XYLT2: variants seen among roughly 807,000 people sequenced by gnomAD.
The protein encoded by XYLT2 is UDP-D-xylose:proteoglycan core protein beta-D-xylosyltransferase.
XYLT2 carries 37 observed loss-of-function variants against 82.6 expected under a neutral mutation model. The observed-to-expected ratio is 0.45, with a 90% confidence interval of 0.34 to 0.59. The LOEUF (loss-of-function observed/expected upper bound fraction) is 0.59. Among genes scored for constraint, XYLT2 ranks in the 20% least tolerant of loss-of-function variants. The pLI, the probability that XYLT2 is intolerant of heterozygous loss-of-function variation, is 0.01. For missense variants in XYLT2, 934 were observed against 1,181.3 expected (o/e 0.79, Z 3.07); for synonymous variants, 474 against 499.0 (o/e 0.95, Z 0.67).
Position 50,360,463 on chromosome 17 carries a change from T to G in XYLT2, c.*172T>G. 27 of 1,384,366 alleles carry G rather than the reference T, an allele frequency of 2.0e-5. No individual in the cohort carries two copies. The highest frequency in any genetic ancestry group is 2.4e-5 in the Non-Finnish European group (26 of 1,072,878). 85.8% of individuals were successfully genotyped at this position (1,384,366 alleles called of 1,614,324 possible). On this transcript the variant is annotated 3_prime_UTR_variant, in exon 11 of 11. Transcript: ENST00000017003. ...TGGACACAGTATGAACTACTGCTGA[T>G]GTCTCTGTTGGGGATCAGAGGGCTG... is the stretch of plus-strand genomic sequence containing the variant.
rs927455448 is a variant in XYLT2, at chr17:50,346,286, G to A, written c.135+11G>A. 3.8e-5 allele frequency: 42 copies of A among 1,092,200 alleles called. No homozygotes were observed. Among genetic ancestry groups the A allele is most frequent in the Admixed American group, 5.0e-5 (1 of 19,872 alleles). The allele number at this position is 1,092,200 out of a possible 1,614,324, so 67.7% of individuals were successfully genotyped here. A position where few individuals can be genotyped will look rare whatever the true frequency, so the allele number is the denominator to read the frequency against. ...GACGAGGCGGGCGAGGTGCTCCGAC[G>A]GCCGGGCGGGCGGGCAGGCCGGGCG... On this transcript the variant is annotated intron_variant, in intron 1 of 10. Transcript: ENST00000017003. The surrounding 1 kb of genome is among the most constrained non-coding windows in gnomAD (Gnocchi z 5.1).
rs1183276849 is a variant in XYLT2, at chr17:50,358,539, A to G, written c.2274A>G (p.Lys758=). ...LTFNRKLPLR[K]DDASWLHAGP... ...TCAACCGCAAACTACCTCTCAGGAA[A>G]GGTAAGCGTGCAGTTCTCAAATGAG... is the stretch of plus-strand genomic sequence containing the variant. The change falls in exon 10 of 11, where the codon AAA becomes AAG. Residue 758 remains lysine (K), a splice_region_variant and synonymous_variant. Coordinates refer to ENST00000017003, the MANE Select transcript of XYLT2 (RefSeq NM_022167.4). 1.2e-6 allele frequency: 2 copies of G among 1,610,600 alleles called. No homozygotes were observed. Among genetic ancestry groups the G allele is most frequent in the Non-Finnish European group, 1.7e-6 (2 of 1,177,602 alleles).
chr17:50,359,238 G>A (rs1387556015), intron 10 of XYLT2: 1 of 152,678 alleles, frequency 6.5e-6, no homozygotes, highest in East Asian at 1.9e-4. Context: ...AGCAGGCTCT[G>A]AACAGAGACA....
rs1457008088 is a variant in XYLT2 at position 50,358,405 on chromosome 17, T to C, written c.2140T>C (p.Tyr714His). The change falls in exon 10 of 11, where the codon TAC becomes CAC. Residue 714 changes from tyrosine (Y) to histidine (H), a missense_variant. This residue lies in a region of XYLT2 where 374 missense variants were observed against 465.6 expected (regional missense o/e 0.80). Coordinates refer to ENST00000017003, the MANE Select transcript of XYLT2 (RefSeq NM_022167.4). Reference protein sequence around the residue: ...TVDTETEVTQYKPPLSRPLRP... With the variant: ...TVDTETEVTQHKPPLSRPLRP... Reference sequence around the variant, plus strand: ...AGATACGGAGACTGAGGTCACGCAATACAAGCCCCCACTGAGCCGGCCCCT... The same window carrying C: ...AGATACGGAGACTGAGGTCACGCAACACAAGCCCCCACTGAGCCGGCCCCT... 1.2e-6 allele frequency: 2 copies of C among 1,614,002 alleles called. No individual in the cohort carries two copies. Among genetic ancestry groups the C allele is most frequent in the Non-Finnish European group, 1.7e-6 (2 of 1,180,048 alleles).
Position 50,361,094 on chromosome 17 carries a change from T to G in XYLT2, c.*803T>G. The G allele has an allele frequency of 1.0e-6, 1 of 985,894 alleles. No individual in the cohort carries two copies. The highest frequency in any genetic ancestry group is 1.7e-5 in the African/African-American group (1 of 57,336). 61.1% of individuals were successfully genotyped at this position (985,894 alleles called of 1,614,324 possible). A position where few individuals can be genotyped will look rare whatever the true frequency, so the allele number is the denominator to read the frequency against. The stretch of plus-strand genomic sequence containing the variant: ...CAGAAGAACCTGGAGTAATTGTGCC[T>G]GAAGCTCAGCGTGAAGTCTGAAATA... On this transcript the variant is annotated 3_prime_UTR_variant, in exon 11 of 11. Coordinates refer to ENST00000017003, the MANE Select transcript of XYLT2 (RefSeq NM_022167.4).
At chr17:50,347,333 C>T (rs1372825073) in intron 1 of XYLT2, among the ~76,000 whole-genome samples, 1 of 152,220 alleles carries the variant, frequency 6.6e-6, no homozygotes, top group Non-Finnish European at 1.5e-5. Context: ...TACCGCATCT[C>T]GCCAGTCTGG....
Position 50,354,912 on chromosome 17 carries a change from G to A in XYLT2, c.863G>A (p.Arg288Gln), listed in dbSNP as rs1482492836. 9.3e-6 allele frequency: 15 copies of A among 1,608,954 alleles called. No individual in the cohort carries two copies. Among genetic ancestry groups the A allele is most frequent in the Admixed American group, 3.4e-5 (2 of 59,344 alleles). The part of the protein sequence containing the change: ...VELAQGYDNV[R>Q]VTPWRMVTIW... ...CTGGCCCAGGGCTATGATAACGTGC[G>A]GGTGACGCCCTGGCGCATGGTTACC... Residue 288 changes from arginine to glutamine, a missense_variant, in exon 4 of 11, where the codon CGG becomes CAG. Around this residue, in one of 3 missense-constraint regions of XYLT2, gnomAD observed 189 missense variants for 320.8 expected, o/e 0.59. Coordinates refer to ENST00000017003, the MANE Select transcript of XYLT2 (RefSeq NM_022167.4).
rs1156317291 is a variant in XYLT2 at position 50,356,117 on chromosome 17, G to A, written c.1338G>A (p.Leu446=). Residue 446 remains leucine (L), a synonymous_variant, in exon 7 of 11, where the codon CTG becomes CTA. Transcript: ENST00000017003. ...SFFHTVLENS[L]ACETLVDNNL... ...TCCACACGGTGCTGGAGAACAGCCTGGCCTGTGAGACCCTCGTGGACAACA... is the reference window on the plus strand; with the variant it reads ...TCCACACGGTGCTGGAGAACAGCCTAGCCTGTGAGACCCTCGTGGACAACA... The A allele has an allele frequency of 6.2e-7, 1 of 1,614,228 alleles. No individual in the cohort carries two copies. Among genetic ancestry groups the A allele is most frequent in the Non-Finnish European group, 8.5e-7 (1 of 1,180,024 alleles).
At position 50,346,160 on chromosome 17, in the gene XYLT2, TG is replaced by T. The variant is rs2143173649; in HGVS notation, c.21del (p.Gln8ArgfsTer24). On this transcript the variant is annotated frameshift_variant, in exon 1 of 11. Transcript: ENST00000017003. LOFTEE classifies it high-confidence loss of function. This position sits in a 1 kb window ranked among gnomAD's most constrained non-coding sequence, Gnocchi z 5.1. MVASAR[V>X]QKLVRRYKLA... Reference sequence around the variant, plus strand: ...AGGAAGATGGTGGCGAGCGCGCGAGTGCAGAAGCTGGTGCGGCGCTACAAGC... The same window carrying T: ...AGGAAGATGGTGGCGAGCGCGCGAGTCAGAAGCTGGTGCGGCGCTACAAGC... The T allele has an allele frequency of 7.8e-7, 1 of 1,275,704 alleles. No individual in the cohort carries two copies. Among genetic ancestry groups the T allele is most frequent in the Non-Finnish European group, 1.0e-6 (1 of 985,618 alleles). The allele number at this position is 1,275,704 out of a possible 1,614,324, so 79.0% of individuals were successfully genotyped here. A position where few individuals can be genotyped will look rare whatever the true frequency, so the allele number is the denominator to read the frequency against.
chr17:50,353,551 G>A, intron 1 of XYLT2, 79 bp from the exon 2 acceptor site: 10 of 1,508,668 alleles, frequency 6.6e-6, no homozygotes, highest in Non-Finnish European at 8.0e-6. Flanking sequence ...GTCTGAGGGT[G>A]CCCCCAACCA....
intron 1 of XYLT2, among the ~76,000 whole-genome samples, chr17:50,350,965 T>C (rs1198429319): frequency 6.6e-6 from 1 of 152,042 alleles, no homozygotes; most frequent in East Asian, 1.9e-4. Flanking sequence ...AAAACCACTG[T>C]GGCTGCAGGA....
Position 50,356,113 on chromosome 17 carries a change from G to C in XYLT2, c.1334G>C (p.Ser445Thr). 1 of 1,614,242 alleles carries C rather than the reference G, an allele frequency of 6.2e-7. No individual in the cohort carries two copies. Among genetic ancestry groups the C allele is most frequent in the Non-Finnish European group, 8.5e-7 (1 of 1,180,038 alleles). The change falls in exon 7 of 11, where the codon AGC becomes ACC. Residue 445 changes from serine to threonine, a missense_variant. By Grantham distance (58) the Ser-to-Thr change is moderately conservative. Transcript: ENST00000017003. The part of the protein sequence containing the change: ...ESFFHTVLEN[S>T]LACETLVDNN... Reference sequence around the variant, plus strand: ...TTCTTCCACACGGTGCTGGAGAACAGCCTGGCCTGTGAGACCCTCGTGGAC... The same window carrying C: ...TTCTTCCACACGGTGCTGGAGAACACCCTGGCCTGTGAGACCCTCGTGGAC...
chr17:50,346,414 G>C lies in XYLT2; in HGVS notation c.135+139G>C. On this transcript the variant is annotated intron_variant, in intron 1 of 10. Coordinates refer to ENST00000017003, the MANE Select transcript of XYLT2 (RefSeq NM_022167.4). The surrounding 1 kb of genome is among the most constrained non-coding windows in gnomAD (Gnocchi z 5.1). ...CGGGGCGCCGGCGGTCGCCCAGAGC[G>C]GAGCATCCGGCCCCCGGCACTCCCT... is the stretch of plus-strand genomic sequence containing the variant. 4 of 948,230 alleles carry C rather than the reference G, an allele frequency of 4.2e-6. No individual in the cohort carries two copies. The highest frequency in any genetic ancestry group is 4.7e-5 in the South Asian group (1 of 21,274). 58.7% of individuals were successfully genotyped at this position (948,230 alleles called of 1,614,324 possible). A position where few individuals can be genotyped will look rare whatever the true frequency, so the allele number is the denominator to read the frequency against.
At chr17:50,356,916 C>G in intron 8 of XYLT2, 141 bp from the exon 9 acceptor site, 1 of 1,467,032 alleles carries the variant, frequency 6.8e-7, no homozygotes, top group Non-Finnish European at 9.1e-7. Flanking sequence ...ACGGCTAGAG[C>G]CAGGCATGCA....
intron 1 of XYLT2, among the ~76,000 whole-genome samples, chr17:50,351,520 G>A (rs1268831969): frequency 1.3e-5 from 2 of 152,174 alleles, no homozygotes; most frequent in African/African-American, 4.8e-5. Context: ...TGTAGTCCCA[G>A]CCTCTCGGGA....
chr17:50,360,066 G>A lies in XYLT2; in HGVS notation c.2373G>A (p.Glu791=), dbSNP rs1480429928. The A allele has an allele frequency of 6.2e-7, 1 of 1,613,994 alleles. No individual in the cohort carries two copies. The highest frequency in any genetic ancestry group is 1.7e-5 in the Admixed American group (1 of 60,026). ...GCATCCTGAACCTGCCTCAGCCGGA[G>A]CTCGCGGAGGAGGCTGCCCAGCGGC... ...LSSILNLPQP[E]LAEEAAQRHT... is the part of the protein sequence containing the mutation. The change falls in exon 11 of 11, where the codon GAG becomes GAA. Residue 791 remains glutamate (E), a synonymous_variant. Coordinates refer to ENST00000017003, the MANE Select transcript of XYLT2 (RefSeq NM_022167.4).
chr17:50,348,835 T>C (rs1912142574), intron 1 of XYLT2, among the ~76,000 whole-genome samples: 1 of 152,130 alleles, frequency 6.6e-6, no homozygotes, highest in African/African-American at 2.4e-5. Flanking sequence ...CAGCCAGAAG[T>C]CAGAGGACCA....
In XYLT2 at chr17:50,350,198, A is replaced by C. The variant is rs888906962; in HGVS notation, c.136-3432A>C. ...ACTGCGTCTCAAAAAAAAAAAAAAA[A>C]AAAAAAAAAGTACCAGTACTTACTG... On this transcript the variant is annotated intron_variant, in intron 1 of 10. Coordinates refer to ENST00000017003, the MANE Select transcript of XYLT2 (RefSeq NM_022167.4). 4.2e-5 allele frequency among the ~76,000 whole-genome samples: 2 copies of C among 48,022 alleles called. 1 individual carries two copies. The highest frequency in any genetic ancestry group is 1.3e-4 in the African/African-American group (2 of 15,624). The allele number at this position is 48,022 out of a possible 152,430, so 31.5% of individuals were successfully genotyped here. A position where few individuals can be genotyped will look rare whatever the true frequency, so the allele number is the denominator to read the frequency against.
intron 2 of XYLT2, 105 bp from the exon 3 acceptor site, chr17:50,354,303 C>T: frequency 6.7e-7 from 1 of 1,498,432 alleles, no homozygotes; most frequent in Non-Finnish European, 8.9e-7. Flanking sequence ...GAGCATGGAG[C>T]TCCAAGTCTA....
Sources: allele counts gnomAD v4.1 joint callset (sites outside exome capture counted in the v4.1 genomes callset), GRCh38; gene constraint gnomAD v4.1.1; regional missense constraint gnomAD v4.1.1; non-coding constraint Gnocchi (gnomAD v3.1); transcripts MANE v1.5; gene names NCBI Gene and HGNC (gene_info 2026-07-23, HGNC 2026-07-21).